VWA8: variants seen among roughly 807,000 people sequenced by gnomAD.
VWA8 encodes the protein von Willebrand factor A domain containing 8.
VWA8 carries 221 observed loss-of-function variants against 241.5 expected under a neutral mutation model. That is an observed-to-expected ratio of 0.91 (90% CI 0.82 to 1.02). The LOEUF (loss-of-function observed/expected upper bound fraction) is 1.02, where lower values mean the gene tolerates loss of function less well. Ranked by LOEUF, VWA8 falls within the 50% of genes least tolerant of loss-of-function variation. The probability of loss-of-function intolerance (pLI) is 0.00; values close to 1 mark genes in which losing one functional copy is unlikely to be tolerated. For missense variants in VWA8, 2,322 were observed against 2,328.7 expected (o/e 1.00, Z 0.06); for synonymous variants, 852 against 827.1 (o/e 1.03, Z -0.52).
chr13:41,709,155 A>G (rs565831652), intron 26 of VWA8, among the ~76,000 whole-genome samples: 71 of 152,350 alleles, frequency 4.7e-4, no homozygotes, highest in Admixed American at 8.5e-4. Flanking sequence ...CTATGAATAT[A>G]GCACTTTGAA....
At chr13:41,692,791 G>A in intron 30 of VWA8, 71 bp downstream of exon 30, 1 of 1,218,460 alleles carries the variant, frequency 8.2e-7, no homozygotes, top group Non-Finnish European at 1.2e-6. Flanking sequence ...GGATGGGCAT[G>A]CATGCATCTT....
At chr13:41,829,837 T>C (rs1871352671) in intron 14 of VWA8, among the ~76,000 whole-genome samples, 1 of 152,124 alleles carries the variant, frequency 6.6e-6, no homozygotes, top group African/African-American at 2.4e-5. Context: ...TCAGGTACAC[T>C]GCTCAGGTGA....
At chr13:41,776,329 G>A (rs944273709) in intron 20 of VWA8, among the ~76,000 whole-genome samples, 6 of 152,136 alleles carry the variant, frequency 3.9e-5, no homozygotes, top group African/African-American at 1.4e-4. Flanking sequence ...AGTACTTTGG[G>A]CTATATACAA....
intron 12 of VWA8, among the ~76,000 whole-genome samples, chr13:41,843,497 A>G (rs73185312): frequency 0.012 from 1,890 of 152,328 alleles, 13 homozygotes; most frequent in East Asian, 0.021. Flanking sequence ...AACTAAAATC[A>G]GAGCACAACT....
intron 35 of VWA8, among the ~76,000 whole-genome samples, chr13:41,676,864 C>T (rs2045063865): frequency 6.6e-6 from 1 of 152,012 alleles, no homozygotes; most frequent in African/African-American, 2.4e-5. Flanking sequence ...AACTCCTGAC[C>T]CCAAGTGATC....
At chr13:41,913,073 T>C (rs1038365100) in intron 2 of VWA8, among the ~76,000 whole-genome samples, 3 of 151,842 alleles carry the variant, frequency 2.0e-5, no homozygotes, top group Admixed American at 6.6e-5. Flanking sequence ...AAAAACAGAA[T>C]AAAAGACCCC....
At chr13:41,826,417 G>C (rs974061798) in intron 14 of VWA8, among the ~76,000 whole-genome samples, 17 of 152,112 alleles carry the variant, frequency 1.1e-4, no homozygotes, top group Admixed American at 1.1e-3. Flanking sequence ...AGCCCAGGAG[G>C]CTCAACATAC....
intron 20 of VWA8, among the ~76,000 whole-genome samples, chr13:41,766,741 T>C (rs80303533): frequency 0.016 from 2,364 of 152,244 alleles, 59 homozygotes; most frequent in African/African-American, 0.054. Flanking sequence ...CCAGAATGAT[T>C]TCCTCCTTTG....
chr13:41,742,881 T>C (rs932088685), intron 21 of VWA8, among the ~76,000 whole-genome samples: 2 of 152,220 alleles, frequency 1.3e-5, no homozygotes, highest in Non-Finnish European at 2.9e-5. Context: ...CACCCCACTT[T>C]ATGCTTATGG....
chr13:41,799,979 A>G (rs1406932496), intron 17 of VWA8, among the ~76,000 whole-genome samples: 1 of 151,944 alleles, frequency 6.6e-6, no homozygotes, highest in African/African-American at 2.4e-5. Context: ...CTACCAATCT[A>G]CTTTCTGTCT....
chr13:41,581,826 C>A (rs1421560082), intron 42 of VWA8, among the ~76,000 whole-genome samples: 1 of 151,708 alleles, frequency 6.6e-6, no homozygotes, highest in Non-Finnish European at 1.5e-5. Flanking sequence ...AAAAATTAAG[C>A]CATTAAGAGC....
intron 12 of VWA8, among the ~76,000 whole-genome samples, chr13:41,837,058 T>C (rs1447729436): frequency 1.3e-5 from 2 of 151,848 alleles, no homozygotes; most frequent in Non-Finnish European, 2.9e-5. Context: ...GATAGATAGA[T>C]AGATAGATAG....
intron 20 of VWA8, among the ~76,000 whole-genome samples, chr13:41,769,639 G>A (rs555358313): frequency 3.9e-5 from 6 of 152,222 alleles, no homozygotes; most frequent in African/African-American, 9.6e-5. Context: ...ACAGGAATTC[G>A]TGTGCTATGA....
chr13:41,925,258 T>G (rs992134722), intron 2 of VWA8, among the ~76,000 whole-genome samples: 3 of 152,212 alleles, frequency 2.0e-5, no homozygotes, highest in African/African-American at 7.2e-5. Flanking sequence ...CAAGAAATGC[T>G]TCAGGGAGTT....
Position 41,758,429 on chromosome 13 carries a change from T to TATAC in VWA8, c.2426+2698_2426+2699insGTAT, listed in dbSNP as rs1371695490. On this transcript the variant is annotated intron_variant, in intron 21 of 44. Transcript: ENST00000379310. ...ATATATATATATATATATATATATA[T>TATAC]ACGCTAGTATATATATTCCATATAT... Among the ~76,000 whole-genome samples, 27 of 101,484 alleles carry TATAC rather than the reference T, an allele frequency of 2.7e-4. 1 individual carries two copies. The highest frequency in any genetic ancestry group is 4.4e-4 in the Admixed American group (4 of 9,004). 66.6% of individuals were successfully genotyped at this position (101,484 alleles called of 152,430 possible).
In VWA8 at chr13:41,904,747, A is replaced by G. The variant is rs75627835; in HGVS notation, c.483+2839T>C. ...GTATTAAAATTTTAGGGATTACCAG[A>G]CCATATATTTTAGAAAATTAACCCA... On this transcript the variant is annotated intron_variant, in intron 4 of 44. Coordinates refer to ENST00000379310, the MANE Select transcript of VWA8 (RefSeq NM_015058.2). Among the ~76,000 whole-genome samples, 258 of 152,270 alleles carry G rather than the reference A, an allele frequency of 1.7e-3. 2 individuals carry two copies. The highest frequency in any genetic ancestry group is 5.7e-3 in the African/African-American group (237 of 41,564).
At chr13:41,592,083 T>C (rs1451706427) in intron 40 of VWA8, among the ~76,000 whole-genome samples, 4 of 151,456 alleles carry the variant, frequency 2.6e-5, no homozygotes, top group African/African-American at 9.7e-5. Flanking sequence ...CCAGCAACGA[T>C]AGACTGGATT....
chr13:41,569,908 C>T (rs920624205), intron 44 of VWA8, among the ~76,000 whole-genome samples: 15 of 151,998 alleles, frequency 9.9e-5, no homozygotes, highest in Admixed American at 6.5e-5. Context: ...ATGTTGTCGC[C>T]AAGTGTTTCA....
chr13:41,758,446 T>G (rs2137902832), intron 21 of VWA8, among the ~76,000 whole-genome samples: 4 of 129,330 alleles, frequency 3.1e-5, no homozygotes, highest in African/African-American at 8.7e-5. Flanking sequence ...GTATATATAT[T>G]CCATATATAT....
Sources: gnomAD v4.1 joint callset for allele counts (sites outside exome capture counted in the v4.1 genomes callset) on GRCh38, gnomAD v4.1.1 for gene constraint, MANE v1.5 for transcripts, NCBI Gene and HGNC (gene_info 2026-07-23, HGNC 2026-07-21) for gene names.